ST6GALNAC3: variants seen among roughly 807,000 people sequenced by gnomAD.
ST6GALNAC3 encodes the protein alpha-N-acetylgalactosaminide alpha-2,6-sialyltransferase 3.
In ST6GALNAC3, 25 loss-of-function variants were observed where a neutral mutation model predicts 32.7. The observed-to-expected ratio is 0.76, with a 90% confidence interval of 0.56 to 1.07. ST6GALNAC3 has a LOEUF of 1.07. ST6GALNAC3 is among the 50% of genes least tolerant of loss of function. The pLI is 0.00. For missense variants in ST6GALNAC3, 355 were observed against 382.4 expected (o/e 0.93, Z 0.60); for synonymous variants, 129 against 133.1 (o/e 0.97, Z 0.21).
At chr1:76,506,730 G>A (rs1453575138) in intron 3 of ST6GALNAC3, among the ~76,000 whole-genome samples, 1 of 152,174 alleles carries the variant, frequency 6.6e-6, no homozygotes, top group Non-Finnish European at 1.5e-5. Context: ...AAAAGAGGCA[G>A]ACCGCGGTAG....
At chr1:76,546,678 G>T (rs1664317125) in intron 3 of ST6GALNAC3, among the ~76,000 whole-genome samples, 1 of 152,216 alleles carries the variant, frequency 6.6e-6, no homozygotes. Context: ...CCAGATCTCA[G>T]TGATGCCAAA....
chr1:76,537,875 A>C (rs1035699516), intron 3 of ST6GALNAC3, among the ~76,000 whole-genome samples: 1 of 146,664 alleles, frequency 6.8e-6, no homozygotes, highest in Non-Finnish European at 1.5e-5. Flanking sequence ...GGCAGTAATT[A>C]ATAGCCTACC....
intron 3 of ST6GALNAC3, among the ~76,000 whole-genome samples, chr1:76,418,571 T>A (rs1409488209): frequency 6.6e-6 from 1 of 152,150 alleles, no homozygotes; most frequent in African/African-American, 2.4e-5. Flanking sequence ...GACCAAGAGA[T>A]AATAGGCAAA....
intron 1 of ST6GALNAC3, among the ~76,000 whole-genome samples, chr1:76,105,571 C>A (rs753583105): frequency 4.6e-5 from 7 of 152,182 alleles, no homozygotes; most frequent in Admixed American, 1.3e-4. Context: ...CTCCACTTTT[C>A]CACACTTCCT....
At chr1:76,486,771 A>T (rs543461260) in intron 3 of ST6GALNAC3, among the ~76,000 whole-genome samples, 64 of 152,146 alleles carry the variant, frequency 4.2e-4, no homozygotes, top group African/African-American at 1.5e-3. Flanking sequence ...TGTCATTATG[A>T]TGTTAGCTGG....
intron 2 of ST6GALNAC3, among the ~76,000 whole-genome samples, chr1:76,362,593 T>C (rs1557823708): frequency 6.6e-6 from 1 of 152,190 alleles, no homozygotes; most frequent in Non-Finnish European, 1.5e-5. Flanking sequence ...ACTTCCAAGA[T>C]ACAATGGGGT....
intron 1 of ST6GALNAC3, among the ~76,000 whole-genome samples, chr1:76,210,137 G>A (rs1445040169): frequency 1.3e-5 from 2 of 151,402 alleles, no homozygotes; most frequent in Non-Finnish European, 1.5e-5. Context: ...ATAGGTATAT[G>A]TGTGCCATTA....
At chr1:76,307,106 C>T (rs984530322) in intron 1 of ST6GALNAC3, among the ~76,000 whole-genome samples, 3 of 152,064 alleles carry the variant, frequency 2.0e-5, no homozygotes, top group East Asian at 1.9e-4. Flanking sequence ...CAGAAAGCAA[C>T]GTCTCTCAGT....
intron 1 of ST6GALNAC3, among the ~76,000 whole-genome samples, chr1:76,137,471 G>T (rs1650015983): frequency 1.3e-5 from 2 of 152,186 alleles, no homozygotes. Context: ...TGGTCAAGAA[G>T]CACAGAATAT....
intron 3 of ST6GALNAC3, among the ~76,000 whole-genome samples, chr1:76,558,154 T>C (rs1446329217): frequency 6.6e-6 from 1 of 152,178 alleles, no homozygotes; most frequent in African/African-American, 2.4e-5. Flanking sequence ...GAATGTAAAT[T>C]AGTTCAGCCA....
intron 1 of ST6GALNAC3, among the ~76,000 whole-genome samples, chr1:76,130,561 A>G (rs889346013): frequency 2.0e-5 from 3 of 151,920 alleles, no homozygotes; most frequent in Admixed American, 6.6e-5. Context: ...CATGTAGTTG[A>G]CCCCTTGGGG....
chr1:76,511,678 C>A (rs1661872111), intron 3 of ST6GALNAC3, among the ~76,000 whole-genome samples: 2 of 152,286 alleles, frequency 1.3e-5, no homozygotes, highest in South Asian at 4.1e-4. Context: ...GGAAACGTCT[C>A]CCTTGTGTGT....
At chr1:76,526,471 T>G (rs1366642349) in intron 3 of ST6GALNAC3, among the ~76,000 whole-genome samples, 1 of 152,036 alleles carries the variant, frequency 6.6e-6, no homozygotes, top group Non-Finnish European at 1.5e-5. Context: ...TAATTTGAAG[T>G]GGCCTTCACA....
At chr1:76,466,867 A>T (rs1474347331) in intron 3 of ST6GALNAC3, among the ~76,000 whole-genome samples, 1 of 152,124 alleles carries the variant, frequency 6.6e-6, no homozygotes, top group Non-Finnish European at 1.5e-5. Context: ...ATAGATAAGA[A>T]GCAGACTTCG....
chr1:76,179,841 A>T (rs185154324), intron 1 of ST6GALNAC3, among the ~76,000 whole-genome samples: 2 of 152,284 alleles, frequency 1.3e-5, no homozygotes, highest in African/African-American at 4.8e-5. Context: ...CCTCTGGCTG[A>T]AAGATGTTTT....
chr1:76,096,250 G>A (rs756574755), intron 1 of ST6GALNAC3, among the ~76,000 whole-genome samples: 5 of 152,158 alleles, frequency 3.3e-5, no homozygotes, highest in African/African-American at 9.7e-5. Context: ...GAGAGGCAAG[G>A]GTAGAGCTTA....
At chr1:76,556,857 A>T (rs1411359526) in intron 3 of ST6GALNAC3, among the ~76,000 whole-genome samples, 2 of 152,070 alleles carry the variant, frequency 1.3e-5, no homozygotes, top group African/African-American at 4.8e-5. Context: ...TTTGAACACA[A>T]ATGTTTTTAA....
chr1:76,337,235 C>T (rs1188345115), intron 2 of ST6GALNAC3, among the ~76,000 whole-genome samples: 1 of 152,226 alleles, frequency 6.6e-6, no homozygotes, highest in African/African-American at 2.4e-5. Context: ...TCCCCAAGCA[C>T]TCTCTGGCTG....
At chr1:76,538,137 C>G (rs112747597) in intron 3 of ST6GALNAC3, among the ~76,000 whole-genome samples, 16 of 152,174 alleles carry the variant, frequency 1.1e-4, no homozygotes, top group African/African-American at 3.4e-4. Flanking sequence ...ACTGGCAAAC[C>G]GAGTCCAGCA....
Sources: gnomAD v4.1 joint callset for allele counts (sites outside exome capture counted in the v4.1 genomes callset) on GRCh38, gnomAD v4.1.1 for gene constraint, MANE v1.5 for transcripts, NCBI Gene and HGNC (gene_info 2026-07-23, HGNC 2026-07-21) for gene names.